Variants in FRMPD4 observed in about 807,000 individuals in gnomAD.
FRMPD4 encodes the protein FERM and PDZ domain-containing protein 4.
A neutral mutation model predicts 94.1 loss-of-function variants in FRMPD4; 22 were observed. That is an observed-to-expected ratio of 0.23 (90% CI 0.17 to 0.33). FRMPD4 has a LOEUF of 0.33. FRMPD4 is among the 10% of genes least tolerant of loss of function. The pLI is 1.00. For synonymous variants in FRMPD4, 631 were observed against 548.6 expected, an observed-to-expected ratio of 1.15 and a Z score of -2.10; for missense variants, 1,111 against 1,339.9, an observed-to-expected ratio of 0.83 and a Z score of 2.67.
At chrX:12,559,586 G>A (rs913377838) in intron 2 of FRMPD4, among the ~76,000 whole-genome samples, 7 of 108,607 alleles carry the variant, frequency 6.4e-5, no homozygotes, top group African/African-American at 2.4e-4. Flanking sequence ...GGAGGCGGAG[G>A]TTGCAGTGAG....
At chrX:12,682,651 G>T (rs2059984195) in intron 5 of FRMPD4, among the ~76,000 whole-genome samples, 1 of 112,011 alleles carries the variant, frequency 8.9e-6, no homozygotes, top group African/African-American at 3.2e-5. Flanking sequence ...CAACAATGGT[G>T]ATTCTCAGAT....
intron 1 of FRMPD4, among the ~76,000 whole-genome samples, chrX:11,853,880 A>G (rs1032512796): frequency 8.9e-6 from 1 of 112,264 alleles, no homozygotes; most frequent in East Asian, 2.8e-4. Context: ...AACTCATTCT[A>G]TGAGGCCAGC....
At chrX:12,641,466 G>A (rs1196099963) in intron 4 of FRMPD4, among the ~76,000 whole-genome samples, 2 of 111,780 alleles carry the variant, frequency 1.8e-5, no homozygotes, top group Non-Finnish European at 3.8e-5. Context: ...CCAGGTGCTG[G>A]ATGCTGAGAA....
chrX:12,121,779 G>A (rs1278474654), intron 3 of FRMPD4, among the ~76,000 whole-genome samples: 1 of 111,678 alleles, frequency 9.0e-6, no homozygotes, highest in Admixed American at 9.5e-5. Flanking sequence ...AATCTCCAAG[G>A]TTACTCATCT....
chrX:12,537,185 A>G (rs1487359082), intron 2 of FRMPD4, among the ~76,000 whole-genome samples: 1 of 111,519 alleles, frequency 9.0e-6, no homozygotes, highest in Non-Finnish European at 1.9e-5. Context: ...GTGTGTCTAA[A>G]GCAGCTTTAT....
At chrX:12,030,475 G>A (rs1343732281) in intron 3 of FRMPD4, among the ~76,000 whole-genome samples, 2 of 111,528 alleles carry the variant, frequency 1.8e-5, no homozygotes, top group African/African-American at 6.5e-5. Context: ...TGAGCTATTC[G>A]GAGAGGACCT....
chrX:12,485,914 T>TAA (rs373572525), intron 1 of FRMPD4, among the ~76,000 whole-genome samples: 14 of 101,299 alleles, frequency 1.4e-4, no homozygotes, highest in Admixed American at 3.2e-4. Context: ...TTCTCAAAAT[T>TAA]AAAAAAAAAA....
chrX:12,171,150 C>T (rs972955688), intron 1 of FRMPD4, among the ~76,000 whole-genome samples: 13 of 111,857 alleles, frequency 1.2e-4, no homozygotes, highest in African/African-American at 2.6e-4. Flanking sequence ...ATACAGTTGA[C>T]GAGAGGCTGC....
chrX:12,358,344 A>G (rs2055927257), intron 1 of FRMPD4, among the ~76,000 whole-genome samples: 1 of 111,445 alleles, frequency 9.0e-6, no homozygotes, highest in Non-Finnish European at 1.9e-5. Flanking sequence ...GGGGCAAATT[A>G]TTTGTAAGTC....
At chrX:12,095,934 C>T (rs940717008) in intron 3 of FRMPD4, among the ~76,000 whole-genome samples, 2 of 112,148 alleles carry the variant, frequency 1.8e-5, no homozygotes, top group Admixed American at 9.5e-5. Flanking sequence ...CATGTCTGGG[C>T]TTGGTCCACC....
At chrX:12,690,943 A>T (rs1652835509) in intron 8 of FRMPD4, among the ~76,000 whole-genome samples, 1 of 111,777 alleles carries the variant, frequency 8.9e-6, no homozygotes, top group Admixed American at 9.5e-5. Context: ...CGTATAAAAG[A>T]TTTCAACAAA....
chrX:12,291,363 G>A (rs767848132), intron 1 of FRMPD4, among the ~76,000 whole-genome samples: 3 of 111,295 alleles, frequency 2.7e-5, no homozygotes, highest in African/African-American at 6.5e-5. Context: ...TCCATCAAAT[G>A]TTATGGTTTC....
At chrX:12,067,344 A>G (rs2054929864) in intron 3 of FRMPD4, among the ~76,000 whole-genome samples, 1 of 111,524 alleles carries the variant, frequency 9.0e-6, no homozygotes, top group African/African-American at 3.3e-5. Flanking sequence ...AGGGATGCCA[A>G]TGCTCACCCA....
chrX:12,162,359 G>T lies in FRMPD4; in HGVS notation c.41+23347G>T, dbSNP rs185535257. ...AGCAAGCTTAAGAAAGTTGGTGATG[G>T]TTTCTAAGAATAAAGTAAAGAGCCT... On this transcript the variant is annotated intron_variant, in intron 1 of 16. Transcript: ENST00000675598. 5.2e-4 allele frequency among the ~76,000 whole-genome samples: 58 copies of T among 112,234 alleles called. No homozygotes were observed. In the East Asian group the frequency reaches 0.016, roughly 30 times the overall value.
intron 1 of FRMPD4, among the ~76,000 whole-genome samples, chrX:11,862,674 T>C (rs1331363092): frequency 1.8e-5 from 2 of 110,662 alleles, no homozygotes; most frequent in Non-Finnish European, 3.8e-5. Flanking sequence ...ACCCCTTCCT[T>C]GGCTGAGCTT....
chrX:12,422,169 C>A (rs2056892150), intron 1 of FRMPD4, among the ~76,000 whole-genome samples: 1 of 112,249 alleles, frequency 8.9e-6, no homozygotes, highest in Admixed American at 9.4e-5. Flanking sequence ...TCACCACCTC[C>A]TGTGTCTCTT....
intron 5 of FRMPD4, among the ~76,000 whole-genome samples, chrX:12,679,791 G>C (rs1417456130): frequency 1.8e-5 from 2 of 111,984 alleles, no homozygotes; most frequent in Non-Finnish European, 3.8e-5. Flanking sequence ...CCCAGCAGGA[G>C]TAAGCTCCAG....
intron 2 of FRMPD4, among the ~76,000 whole-genome samples, chrX:12,517,257 T>C (rs1255325608): frequency 9.0e-6 from 1 of 111,544 alleles, no homozygotes; most frequent in Non-Finnish European, 1.9e-5. Flanking sequence ...GCTGGTGTTC[T>C]GATCATTTGG....
intron 3 of FRMPD4, among the ~76,000 whole-genome samples, chrX:12,111,742 A>T (rs1012732949): frequency 4.5e-5 from 5 of 112,072 alleles, no homozygotes; most frequent in Non-Finnish European, 7.5e-5. Flanking sequence ...CAACCCCATC[A>T]ACAAGTGGGC....
Sources: gnomAD v4.1 joint callset for allele counts (sites outside exome capture counted in the v4.1 genomes callset) on GRCh38, gnomAD v4.1.1 for gene constraint, MANE v1.5 for transcripts, NCBI Gene and HGNC (gene_info 2026-07-23, HGNC 2026-07-21) for gene names.